NCKAP5: variants seen among roughly 807,000 people sequenced by gnomAD.
NCKAP5 encodes the protein nck-associated protein 5.
In NCKAP5, 92 loss-of-function variants were observed where a neutral mutation model predicts 167.0. The ratio of observed to expected loss-of-function variants is 0.55; its 90% CI spans 0.47 to 0.66. The LOEUF (loss-of-function observed/expected upper bound fraction) is 0.66, where lower values mean the gene tolerates loss of function less well. Ranked by LOEUF, NCKAP5 falls within the 30% of genes least tolerant of loss-of-function variation. The probability of loss-of-function intolerance (pLI) is 0.00; values close to 1 mark genes in which losing one functional copy is unlikely to be tolerated. For missense variants in NCKAP5, 2,378 were observed against 2,315.0 expected, an observed-to-expected ratio of 1.03 and a Z score of -0.56; for synonymous variants, 891 against 877.4, an observed-to-expected ratio of 1.02 and a Z score of -0.27.
the NCKAP5 span, among the ~76,000 whole-genome samples, chr2:133,575,272 T>G: frequency 6.6e-6 from 1 of 152,212 alleles, no homozygotes; most frequent in Non-Finnish European, 1.5e-5. Context: ...AAATCCAGGG[T>G]GATTGATTTG....
intron 8 of NCKAP5, among the ~76,000 whole-genome samples, chr2:132,925,415 A>G (rs1695788911): frequency 6.6e-6 from 1 of 151,196 alleles, no homozygotes; most frequent in South Asian, 2.1e-4. Flanking sequence ...AAAAAAAATT[A>G]GCCGGGCATG....
At chr2:133,038,333 T>G (rs1477487448) in intron 6 of NCKAP5, among the ~76,000 whole-genome samples, 1 of 152,168 alleles carries the variant, frequency 6.6e-6, no homozygotes, top group Non-Finnish European at 1.5e-5. Flanking sequence ...TGTATGGAAC[T>G]GGAGATCATT....
At chr2:132,772,185 T>C (rs1682134455) in intron 16 of NCKAP5, among the ~76,000 whole-genome samples, 1 of 152,118 alleles carries the variant, frequency 6.6e-6, no homozygotes, top group South Asian at 2.1e-4. Context: ...TTTGTGTAAG[T>C]ACACTCTTTG....
chr2:133,639,884 T>C, the NCKAP5 span, among the ~76,000 whole-genome samples: 2 of 151,974 alleles, frequency 1.3e-5, no homozygotes, highest in Admixed American at 1.3e-4. Context: ...TAAAAATAAA[T>C]GCGGAATGTC....
chr2:133,664,368 C>T, the NCKAP5 span, among the ~76,000 whole-genome samples: 9 of 152,130 alleles, frequency 5.9e-5, no homozygotes, highest in African/African-American at 1.7e-4. Context: ...TGCATTACAT[C>T]CTAACAAGAG....
rs141365870 is a variant in NCKAP5, at chr2:133,227,765, T to C, written c.144-13986A>G. ...ATTTTCATCATTGAGCTTTGTATCC[T>C]GTTTAGATTCTTCTTTTCTAATCTT... On this transcript the variant is annotated intron_variant, in intron 4 of 19. Transcript: ENST00000409261. Among the ~76,000 whole-genome samples the C allele has an allele frequency of 3.2e-3, 490 of 152,360 alleles. 4 individuals are homozygous for C. Among genetic ancestry groups the C allele is most frequent in the African/African-American group, 0.011 (461 of 41,586 alleles).
chr2:132,855,716 T>G lies in NCKAP5; in HGVS notation c.807+4776A>C, dbSNP rs1024278171. ...CACAGTTCCATTCTTTACCTTCTTCTTTACTCACTCACCTACCCCTCCCTT... is the reference window on the plus strand; with the variant it reads ...CACAGTTCCATTCTTTACCTTCTTCGTTACTCACTCACCTACCCCTCCCTT... On this transcript the variant is annotated intron_variant, in intron 11 of 19. Transcript: ENST00000409261. 9.2e-5 allele frequency among the ~76,000 whole-genome samples: 14 copies of G among 152,314 alleles called. No homozygotes were observed. The East Asian group carries it at 2.7e-3, about 29-fold the overall frequency.
At chr2:133,051,114 C>T (rs1275269379) in intron 6 of NCKAP5, among the ~76,000 whole-genome samples, 2 of 152,150 alleles carry the variant, frequency 1.3e-5, no homozygotes, top group Admixed American at 1.3e-4. Context: ...ATGTTTTTCA[C>T]TTCTCTACTG....
At chr2:132,786,851 T>C (rs1394394515) in intron 13 of NCKAP5, among the ~76,000 whole-genome samples, 3 of 152,162 alleles carry the variant, frequency 2.0e-5, no homozygotes, top group Non-Finnish European at 4.4e-5. Context: ...TTTGACTCAG[T>C]TCAAAAGTGG....
chr2:133,265,732 C>G (rs1028334190), intron 4 of NCKAP5, among the ~76,000 whole-genome samples: 2 of 152,030 alleles, frequency 1.3e-5, no homozygotes, highest in South Asian at 4.1e-4. Context: ...GAGGGGGGAT[C>G]GTGGCATTAG....
chr2:132,690,323 C>G (rs930235276), intron 19 of NCKAP5, among the ~76,000 whole-genome samples: 1 of 152,170 alleles, frequency 6.6e-6, no homozygotes, highest in Non-Finnish European at 1.5e-5. Flanking sequence ...CTGGTTCCTG[C>G]TTTGTGTCCT....
intron 5 of NCKAP5, among the ~76,000 whole-genome samples, chr2:133,139,957 A>T (rs1161867838): frequency 6.6e-6 from 1 of 152,146 alleles, no homozygotes; most frequent in Non-Finnish European, 1.5e-5. Context: ...TCTTTCCCTT[A>T]CCCGAATCTT....
chr2:133,591,116 G>T, the NCKAP5 span, among the ~76,000 whole-genome samples: 4 of 152,142 alleles, frequency 2.6e-5, no homozygotes, highest in Non-Finnish European at 5.9e-5. Flanking sequence ...CTGTAATTAA[G>T]CCAGGAACCA....
chr2:132,897,938 C>T (rs948468300), intron 8 of NCKAP5, among the ~76,000 whole-genome samples: 8 of 152,280 alleles, frequency 5.3e-5, no homozygotes, highest in East Asian at 1.9e-4. Flanking sequence ...TAGCTACTTA[C>T]GGCTGGGGTG....
chr2:133,206,911 G>T (rs2085975887), intron 5 of NCKAP5, among the ~76,000 whole-genome samples: 1 of 152,070 alleles, frequency 6.6e-6, no homozygotes, highest in Admixed American at 6.6e-5. Context: ...CTGGTCTCCT[G>T]CAGTACGCTC....
chr2:133,061,800 T>A (rs1559100164), intron 6 of NCKAP5, among the ~76,000 whole-genome samples: 1 of 152,160 alleles, frequency 6.6e-6, no homozygotes, highest in Non-Finnish European at 1.5e-5. Context: ...CCTTTGCCAT[T>A]AGTACCTGGT....
Position 132,994,175 on chromosome 2 carries a change from TTTC to T in NCKAP5, c.403_405del (p.Glu135del), listed in dbSNP as rs2077524250. 6.3e-7 allele frequency: 1 copy of T among 1,586,050 alleles called. No homozygotes were observed. Among genetic ancestry groups the T allele is most frequent in the African/African-American group, 1.3e-5 (1 of 74,504 alleles). On this transcript the variant is annotated inframe_deletion, in exon 7 of 20. Coordinates refer to ENST00000409261, the MANE Select transcript of NCKAP5 (RefSeq NM_207363.3). ...ACCTGATAGACCATTATATTAACAG[TTTC>T]TTCTTTTTTCTGCTCTGGAGATCCT...
At chr2:133,002,948 G>C (rs2077837013) in intron 6 of NCKAP5, among the ~76,000 whole-genome samples, 1 of 152,218 alleles carries the variant, frequency 6.6e-6, no homozygotes, top group Admixed American at 6.5e-5. Flanking sequence ...ATGCCAGCAA[G>C]ACTGAAGGGG....
chr2:133,560,663 ACT>A (rs1305644400), intron 1 of NCKAP5, among the ~76,000 whole-genome samples: 1 of 152,114 alleles, frequency 6.6e-6, no homozygotes, highest in African/African-American at 2.4e-5. Context: ...CCTCCCCACC[ACT>A]GTTTCCTTGA....
Sources: gnomAD v4.1 joint callset for allele counts (sites outside exome capture counted in the v4.1 genomes callset) on GRCh38, gnomAD v4.1.1 for gene constraint, MANE v1.5 for transcripts, NCBI Gene and HGNC (gene_info 2026-07-23, HGNC 2026-07-21) for gene names.